The following MAST4 variants were observed in gnomAD, a reference collection of about 807,000 sequenced individuals.
MAST4 encodes the protein microtubule-associated serine/threonine-protein kinase 4.
MAST4 carries 89 observed loss-of-function variants against 162.7 expected under a neutral mutation model. That is an observed-to-expected ratio of 0.55 (90% CI 0.46 to 0.65). The LOEUF (loss-of-function observed/expected upper bound fraction) is 0.65, where lower values mean the gene tolerates loss of function less well. Among genes scored for constraint, MAST4 ranks in the 30% least tolerant of loss-of-function variants. The pLI is 0.00. For missense variants in MAST4, 3,153 were observed against 3,374.0 expected, an observed-to-expected ratio of 0.93 and a Z score of 1.62; for synonymous variants, 1,479 against 1,361.1, an observed-to-expected ratio of 1.09 and a Z score of -1.91.
At chr5:67,126,540 G>A (rs1768254201) in intron 14 of MAST4, among the ~76,000 whole-genome samples, 1 of 152,168 alleles carries the variant, frequency 6.6e-6, no homozygotes, top group Non-Finnish European at 1.5e-5. Flanking sequence ...GTTTGTCAAA[G>A]ATCAGATGGT....
intron 1 of MAST4, among the ~76,000 whole-genome samples, chr5:66,718,733 G>T (rs10039407): frequency 6.6e-6 from 1 of 152,150 alleles, no homozygotes; most frequent in Non-Finnish European, 1.5e-5. Context: ...TTCCTGTAAA[G>T]CTTCGTTATC....
intron 5 of MAST4, among the ~76,000 whole-genome samples, chr5:67,067,007 G>T (rs1760322181): frequency 6.6e-6 from 1 of 152,172 alleles, no homozygotes; most frequent in African/African-American, 2.4e-5. Flanking sequence ...CAGGAACTTT[G>T]TACCCAGTGA....
chr5:67,093,498 TG>T lies in MAST4; in HGVS notation c.834-2098del, dbSNP rs1764093565. ...TGGTGATGAAAATGCAGTGGTCCTT[TG>T]TGCTCCATTTGAGTAAATAGACACA... On this transcript the variant is annotated intron_variant, in intron 6 of 28. Coordinates refer to ENST00000403625, the MANE Select transcript of MAST4 (RefSeq NM_001164664.2). 9.1e-6 allele frequency: 3 copies of T among 330,628 alleles called. No homozygotes were observed. In the Admixed American group the frequency reaches 9.6e-5, roughly 11 times the overall value. The allele number at this position is 330,628 out of a possible 1,614,324, so 20.5% of individuals were successfully genotyped here.
intron 1 of MAST4, among the ~76,000 whole-genome samples, chr5:66,674,740 G>T (rs1747838609): frequency 6.6e-6 from 1 of 152,180 alleles, no homozygotes. Flanking sequence ...TTTTCAAAAG[G>T]GGTAGGGGTG....
intron 1 of MAST4, among the ~76,000 whole-genome samples, chr5:66,704,912 G>C (rs914151647): frequency 6.6e-5 from 10 of 152,140 alleles, no homozygotes; most frequent in Non-Finnish European, 1.3e-4. Flanking sequence ...CAGTCAGGGA[G>C]AAGTTTCAGC....
intron 4 of MAST4, among the ~76,000 whole-genome samples, chr5:66,945,573 A>G (rs149937198): frequency 3.3e-5 from 5 of 152,144 alleles, no homozygotes; most frequent in South Asian, 2.1e-4. Context: ...AAAGTAAACT[A>G]TGACTCATCC....
intron 3 of MAST4, among the ~76,000 whole-genome samples, chr5:66,885,806 A>G (rs1222650391): frequency 6.6e-6 from 1 of 152,228 alleles, no homozygotes; most frequent in African/African-American, 2.4e-5. Context: ...CATCAGCATA[A>G]CTACCTATTA....
chr5:67,062,365 T>C (rs1759729369), intron 5 of MAST4, among the ~76,000 whole-genome samples: 2 of 151,890 alleles, frequency 1.3e-5, no homozygotes, highest in South Asian at 4.1e-4. Context: ...GCCACTGCAC[T>C]CCAGCCTGGG....
At chr5:66,960,194 C>G (rs1305557474) in intron 4 of MAST4, among the ~76,000 whole-genome samples, 1 of 152,184 alleles carries the variant, frequency 6.6e-6, no homozygotes, top group Admixed American at 6.5e-5. Context: ...AAAGAGACTG[C>G]AGAATGAGAA....
At chr5:66,935,157 C>A (rs1341619341) in intron 4 of MAST4, among the ~76,000 whole-genome samples, 1 of 152,120 alleles carries the variant, frequency 6.6e-6, no homozygotes, top group Admixed American at 6.5e-5. Context: ...TTTGCTCACT[C>A]CTAATGCCAC....
At chr5:67,038,097 C>T (rs1756251166) in intron 4 of MAST4, among the ~76,000 whole-genome samples, 1 of 152,078 alleles carries the variant, frequency 6.6e-6, no homozygotes, top group South Asian at 2.1e-4. Flanking sequence ...TCTTCTCTTT[C>T]CACAGCATTT....
At chr5:67,007,285 AC>A (rs1039143084) in intron 4 of MAST4, among the ~76,000 whole-genome samples, 8 of 152,082 alleles carry the variant, frequency 5.3e-5, no homozygotes, top group African/African-American at 1.9e-4. Context: ...GCTGTACCTT[AC>A]CGGGCTGAGT....
chr5:66,664,434 T>TAA (rs779854746), intron 1 of MAST4, among the ~76,000 whole-genome samples: 1 of 46,596 alleles, frequency 2.1e-5, no homozygotes. Flanking sequence ...AAACTCCATT[T>TAA]CAAAAAAAAA....
chr5:66,650,489 A>G (rs1746146919), intron 1 of MAST4, among the ~76,000 whole-genome samples: 1 of 152,188 alleles, frequency 6.6e-6, no homozygotes, highest in African/African-American at 2.4e-5. Context: ...AATATTTTTC[A>G]TCATACAGCT....
intron 4 of MAST4, among the ~76,000 whole-genome samples, chr5:66,933,434 T>A (rs1742380406): frequency 6.6e-6 from 1 of 152,256 alleles, no homozygotes; most frequent in Non-Finnish European, 1.5e-5. Context: ...CTTGATTGCA[T>A]GCCATCATCT....
At chr5:66,653,153 A>G (rs148776228) in intron 1 of MAST4, among the ~76,000 whole-genome samples, 1 of 152,358 alleles carries the variant, frequency 6.6e-6, no homozygotes, top group Non-Finnish European at 1.5e-5. Flanking sequence ...CATCATTAAT[A>G]GCACTATGTT....
At chr5:67,054,585 A>G in intron 5 of MAST4, 93 bp downstream of exon 5, 2 of 1,108,506 alleles carry the variant, frequency 1.8e-6, no homozygotes, top group Non-Finnish European at 2.6e-6. Flanking sequence ...GTATGTCTTC[A>G]CATGTTATCT....
At chr5:66,951,373 A>G (rs562543010) in intron 4 of MAST4, among the ~76,000 whole-genome samples, 1 of 152,160 alleles carries the variant, frequency 6.6e-6, no homozygotes, top group Non-Finnish European at 1.5e-5. Flanking sequence ...CATCAGTCCA[A>G]CCTCTGCTTT....
At chr5:67,049,078 T>TATACGTATATATATATATAC (rs1381641749) in intron 4 of MAST4, among the ~76,000 whole-genome samples, 53 of 138,782 alleles carry the variant, frequency 3.8e-4, no homozygotes, top group African/African-American at 1.4e-3. Context: ...TATATATATA[T>TATACGTATATATATATATAC]ACACTACCAT....
Sources: allele counts gnomAD v4.1 joint callset (sites outside exome capture counted in the v4.1 genomes callset), GRCh38; gene constraint gnomAD v4.1.1; transcripts MANE v1.5; gene names NCBI Gene and HGNC (gene_info 2026-07-23, HGNC 2026-07-21).